Variants in BRF1 observed in about 807,000 individuals in gnomAD.
BRF1 encodes the protein transcription factor IIIB 90 kDa subunit.
Under a neutral mutation model 81.7 loss-of-function variants are expected in BRF1, and 59 were observed. The ratio of observed to expected loss-of-function variants is 0.72; its 90% confidence interval spans 0.59 to 0.90. The LOEUF (loss-of-function observed/expected upper bound fraction) is 0.90, where lower values mean the gene tolerates loss of function less well. Ranked by LOEUF, BRF1 falls within the 40% of genes least tolerant of loss-of-function variation. The pLI is 0.00. For missense variants in BRF1, 1,050 were observed against 936.3 expected (o/e 1.12, Z -1.58); for synonymous variants, 491 against 395.6 (o/e 1.24, Z -2.86).
At chr14:105,225,030 CGGGCAAGT>C (rs1892865613) in intron 10 of BRF1, among the ~76,000 whole-genome samples, 1 of 152,196 alleles carries the variant, frequency 6.6e-6, no homozygotes. Flanking sequence ...AGCCCCTCCC[CGGGCAAGT>C]GGGCCCAGGC....
Position 105,219,317 on chromosome 14 carries a change from T to C in BRF1, c.1378-85A>G, listed in dbSNP as rs771542190. 10 of 1,582,724 alleles carry C rather than the reference T, an allele frequency of 6.3e-6. No individual in the cohort carries two copies. The Admixed American group carries it at 1.0e-4, about 16-fold the overall frequency. On this transcript the variant is annotated intron_variant, in intron 12 of 17. Transcript: ENST00000547530. ...GGTCGCGCTGGCCAGCGGGAAGTAT[T>C]TCCACCGTTAGAGGAAGGGGAACCC... is the stretch of plus-strand genomic sequence containing the variant.
intron 5 of BRF1, chr14:105,249,931 G>C: frequency 6.2e-7 from 1 of 1,611,526 alleles, no homozygotes. Context: ...TCACTCGGGA[G>C]GCCCTCAACA....
intron 1 of BRF1, among the ~76,000 whole-genome samples, chr14:105,293,592 G>A (rs1422707264): frequency 1.3e-5 from 2 of 152,248 alleles, no homozygotes; most frequent in African/African-American, 4.8e-5. Flanking sequence ...GGCTCACAGG[G>A]AAGCCCCGCC....
Position 105,209,299 on chromosome 14 carries a change from A to T in BRF1, c.*1252T>A. 2 of 511,254 alleles carry T rather than the reference A, an allele frequency of 3.9e-6. No homozygotes were observed. Among genetic ancestry groups the T allele is most frequent in the Non-Finnish European group, 7.0e-6 (2 of 283,774 alleles). The allele number at this position is 511,254 out of a possible 1,614,324, so 31.7% of individuals were successfully genotyped here. ...AGCCTCAGGCAATTTCTGTTAAGTA[A>T]CAACAGATCTTCCTGCTTTACTAAA... On this transcript the variant is annotated 3_prime_UTR_variant, in exon 18 of 18. Coordinates refer to ENST00000547530, the MANE Select transcript of BRF1 (RefSeq NM_001519.4).
chr14:105,243,574 C>T (rs1238390418), intron 5 of BRF1, among the ~76,000 whole-genome samples: 4 of 149,412 alleles, frequency 2.7e-5, no homozygotes, highest in Non-Finnish European at 4.5e-5. Context: ...GCTGTGATTG[C>T]ACCACTGTAC....
chr14:105,307,961 T>C (rs995340126), intron 1 of BRF1, among the ~76,000 whole-genome samples: 1 of 151,984 alleles, frequency 6.6e-6, no homozygotes. Context: ...GGTGGGAGGA[T>C]AGCTTGAGCC....
chr14:105,218,762 C>T (rs945253441), intron 14 of BRF1, among the ~76,000 whole-genome samples: 1 of 152,182 alleles, frequency 6.6e-6, no homozygotes, highest in Admixed American at 6.5e-5. Flanking sequence ...GAAGGTTACC[C>T]CAAAGCTGAG....
At chr14:105,273,293 G>A (rs1252842965) in intron 2 of BRF1, among the ~76,000 whole-genome samples, 3 of 152,078 alleles carry the variant, frequency 2.0e-5, no homozygotes, top group African/African-American at 7.2e-5. Context: ...ATGCCCCAGC[G>A]CCACCGCCTT....
At chr14:105,304,512 T>TAAA (rs1256720244), upstream of BRF1, among the ~76,000 whole-genome samples, 2 of 151,758 alleles carry the variant, frequency 1.3e-5, no homozygotes, top group Admixed American at 6.6e-5. Context: ...TAAAATAAAA[T>TAAA]AAAATATAAA....
At chr14:105,314,412 C>T (rs1437037020) in intron 1 of BRF1, 1 of 150,580 alleles carries the variant, frequency 6.6e-6, no homozygotes, top group Non-Finnish European at 1.5e-5. Context: ...CTGGCCGGGA[C>T]CCGGTGGACC....
At chr14:105,314,018 C>T (rs2058434340) in intron 1 of BRF1, among the ~76,000 whole-genome samples, 1 of 152,272 alleles carries the variant, frequency 6.6e-6, no homozygotes, top group South Asian at 2.1e-4. Flanking sequence ...AAAAGCGGCG[C>T]TGAATAAGGA....
At chr14:105,296,818 T>G (rs1024629857) in intron 1 of BRF1, among the ~76,000 whole-genome samples, 3 of 152,018 alleles carry the variant, frequency 2.0e-5, no homozygotes, top group Non-Finnish European at 4.4e-5. Flanking sequence ...TTAAAAAAAT[T>G]CCACTTATAA....
Position 105,221,637 on chromosome 14 carries a change from T to G in BRF1, c.1315+11A>C. On this transcript the variant is annotated intron_variant, in intron 11 of 17. Coordinates refer to ENST00000547530, the MANE Select transcript of BRF1 (RefSeq NM_001519.4). Reference sequence around the variant, plus strand: ...GACCTCAGCGTCCCCCAGGGCCCCATCAGAACTCACTGGGGTCGCTGCTCT... The same window carrying G: ...GACCTCAGCGTCCCCCAGGGCCCCAGCAGAACTCACTGGGGTCGCTGCTCT... The G allele has an allele frequency of 6.2e-7, 1 of 1,606,824 alleles. No individual in the cohort carries two copies. The highest frequency in any genetic ancestry group is 8.5e-7 in the Non-Finnish European group (1 of 1,178,666).
At position 105,241,423 on chromosome 14, in the gene BRF1, G is replaced by A. The variant is rs1332338062; in HGVS notation, c.545-9C>T. The stretch of plus-strand genomic sequence containing the variant: ...AATATACAGGCACGGGTCTGCGGCA[G>A]ACACAGCACCTCAGTGCCCACCTCC... On this transcript the variant is annotated splice_polypyrimidine_tract_variant and intron_variant, in intron 5 of 17. Transcript: ENST00000547530. 3.1e-6 allele frequency: 5 copies of A among 1,610,290 alleles called. No individual in the cohort carries two copies. Among genetic ancestry groups the A allele is most frequent in the Non-Finnish European group, 4.2e-6 (5 of 1,179,864 alleles).
chr14:105,311,400 C>T (rs996328798), intron 1 of BRF1, among the ~76,000 whole-genome samples: 1 of 152,096 alleles, frequency 6.6e-6, no homozygotes, highest in African/African-American at 2.4e-5. Context: ...ATCACAGATG[C>T]GCACCACCAT....
In BRF1 at chr14:105,209,579, C is replaced by A. The variant is rs587748226; in HGVS notation, c.*972G>T. The A allele has an allele frequency of 1.2e-4, 83 of 702,698 alleles. No homozygotes were observed. The highest frequency in any genetic ancestry group is 8.0e-4 in the South Asian group (54 of 67,596). 43.5% of individuals were successfully genotyped at this position (702,698 alleles called of 1,614,324 possible). On this transcript the variant is annotated 3_prime_UTR_variant, in exon 18 of 18. Transcript: ENST00000547530. ...GCCATGCCAGAGCTGAGACCTCCTACGAGTGGTACTGGGGCCTTCCCACGA... is the reference window on the plus strand; with the variant it reads ...GCCATGCCAGAGCTGAGACCTCCTAAGAGTGGTACTGGGGCCTTCCCACGA...
chr14:105,225,938 G>T, intron 10 of BRF1, 131 bp downstream of exon 10: 2 of 952,832 alleles, frequency 2.1e-6, no homozygotes, highest in Non-Finnish European at 3.1e-6. Flanking sequence ...GAGCCACCCT[G>T]CCCGGTGGTA....
At chr14:105,272,568 A>G (rs1440384616) in intron 3 of BRF1, among the ~76,000 whole-genome samples, 153 bp downstream of exon 3, 1 of 152,244 alleles carries the variant, frequency 6.6e-6, no homozygotes, top group Non-Finnish European at 1.5e-5. Context: ...AAATTCAGAA[A>G]GCCCTGGATC....
intron 6 of BRF1, among the ~76,000 whole-genome samples, chr14:105,229,591 T>A (rs950375443): frequency 6.6e-6 from 1 of 152,198 alleles, no homozygotes; most frequent in Non-Finnish European, 1.5e-5. Context: ...GAGTGACAGC[T>A]GCGACCTGGG....
Sources: gnomAD v4.1 joint callset for allele counts (sites outside exome capture counted in the v4.1 genomes callset) on GRCh38, gnomAD v4.1.1 for gene constraint, MANE v1.5 for transcripts, NCBI Gene and HGNC (gene_info 2026-07-23, HGNC 2026-07-21) for gene names.